IFT56: variants seen among roughly 807,000 people sequenced by gnomAD.
The protein encoded by IFT56 is intraflagellar transport protein 56.
At chr7:139,162,199 A>C in the IFT56 span, among the ~76,000 whole-genome samples, 2 of 152,234 alleles carry the variant, frequency 1.3e-5, no homozygotes, top group African/African-American at 2.4e-5. Flanking sequence ...TTACAACTGC[A>C]CATTTTAGTC....
chr7:139,142,343 A>G, the IFT56 span: 1 of 1,567,830 alleles, frequency 6.4e-7, no homozygotes, highest in South Asian at 1.1e-5. Context: ...TTGTTTTAAA[A>G]ATATTTTTAT....
At chr7:139,185,506 A>C in the IFT56 span, among the ~76,000 whole-genome samples, 1 of 152,020 alleles carries the variant, frequency 6.6e-6, no homozygotes, top group African/African-American at 2.4e-5. Flanking sequence ...TGAGTCTTAT[A>C]ATGTTGAATC....
the IFT56 span, among the ~76,000 whole-genome samples, chr7:139,176,998 C>T: frequency 2.6e-5 from 4 of 151,664 alleles, no homozygotes; most frequent in Admixed American, 1.3e-4. Flanking sequence ...ATGGTGGAAC[C>T]CCACCTCTAC....
chr7:139,141,256 G>GAAA, the IFT56 span, among the ~76,000 whole-genome samples: 4 of 127,836 alleles, frequency 3.1e-5, no homozygotes, highest in Non-Finnish European at 7.1e-5. Flanking sequence ...ACAAGACTCT[G>GAAA]AAAAAAAAAA....
chr7:139,180,868 C>T, the IFT56 span, among the ~76,000 whole-genome samples: 6 of 152,012 alleles, frequency 3.9e-5, no homozygotes, highest in African/African-American at 7.3e-5. Context: ...GAAGTCAATC[C>T]CATCTGAAAG....
the IFT56 span, among the ~76,000 whole-genome samples, chr7:139,164,537 G>A: frequency 6.6e-6 from 1 of 152,102 alleles, no homozygotes; most frequent in Admixed American, 6.5e-5. Context: ...TTAAATGTTT[G>A]TGAGTATACA....
chr7:139,163,976 G>A, the IFT56 span, among the ~76,000 whole-genome samples: 3 of 152,190 alleles, frequency 2.0e-5, no homozygotes, highest in South Asian at 6.2e-4. Flanking sequence ...CTAGGCTCTA[G>A]AAATACAACA....
the IFT56 span, among the ~76,000 whole-genome samples, chr7:139,177,753 C>T: frequency 3.3e-5 from 5 of 151,886 alleles, no homozygotes; most frequent in Non-Finnish European, 5.9e-5. Flanking sequence ...TAATCCTCCA[C>T]CACTCAAATA....
At chr7:139,174,435 C>T in the IFT56 span, among the ~76,000 whole-genome samples, 2 of 152,098 alleles carry the variant, frequency 1.3e-5, no homozygotes, top group Non-Finnish European at 2.9e-5. Context: ...GTGAGGTTCC[C>T]GACCGTGTGT....
At chr7:139,156,515 T>C in the IFT56 span, among the ~76,000 whole-genome samples, 1 of 152,128 alleles carries the variant, frequency 6.6e-6, no homozygotes, top group Non-Finnish European at 1.5e-5. Flanking sequence ...TTTTGTTATA[T>C]TGTATCTTTC....
At chr7:139,170,548 A>C in the IFT56 span, among the ~76,000 whole-genome samples, 5 of 151,932 alleles carry the variant, frequency 3.3e-5, no homozygotes, top group African/African-American at 1.2e-4. Context: ...AGAATGGTCC[A>C]ACATATGCAA....
the IFT56 span, chr7:139,178,629 G>C: frequency 1.3e-6 from 2 of 1,574,338 alleles, no homozygotes; most frequent in East Asian, 4.5e-5. Flanking sequence ...GCATTTGAAT[G>C]ATTCTATCTA....
At chr7:139,187,521 T>C in the IFT56 span, 6 of 1,614,052 alleles carry the variant, frequency 3.7e-6, no homozygotes, top group Admixed American at 8.3e-5. Flanking sequence ...CAGATGATCA[T>C]AGCTGGGAGA....
the IFT56 span, chr7:139,172,448 T>C: frequency 5.2e-6 from 2 of 384,362 alleles, no homozygotes; most frequent in East Asian, 6.4e-5. Context: ...CCTTGATAGT[T>C]GTTCATCTGG....
the IFT56 span, among the ~76,000 whole-genome samples, chr7:139,165,835 T>C: frequency 2.1e-4 from 32 of 152,314 alleles, no homozygotes; most frequent in African/African-American, 7.5e-4. Flanking sequence ...ACTAACAATG[T>C]GGGCCTTCTT....
At chr7:139,171,487 C>T in the IFT56 span, among the ~76,000 whole-genome samples, 609 of 152,230 alleles carry the variant, frequency 4.0e-3, 2 homozygotes, top group African/African-American at 0.014. Context: ...CTGGCATAAA[C>T]ACAGACATAT....
At chr7:139,134,700 A>C in the IFT56 span, 3 of 1,614,118 alleles carry the variant, frequency 1.9e-6, no homozygotes, top group Non-Finnish European at 2.5e-6. Context: ...CGTACAGCAC[A>C]CTGACAAAAG....
the IFT56 span, among the ~76,000 whole-genome samples, chr7:139,188,876 T>C: frequency 5.3e-5 from 8 of 152,228 alleles, no homozygotes; most frequent in Non-Finnish European, 1.2e-4. Context: ...TTGACAATGA[T>C]GCCTAGTTGA....
chr7:139,136,837 G>C, the IFT56 span, among the ~76,000 whole-genome samples: 2 of 152,196 alleles, frequency 1.3e-5, no homozygotes, highest in Admixed American at 1.3e-4. Flanking sequence ...CATGGGAATG[G>C]AAACTGCTAT....
Sources: allele counts gnomAD v4.1 joint callset (sites outside exome capture counted in the v4.1 genomes callset), GRCh38; gene constraint gnomAD v4.1.1; transcripts MANE v1.5; gene names NCBI Gene and HGNC (gene_info 2026-07-23, HGNC 2026-07-21).